Variants in WDR5 observed in about 807,000 individuals in gnomAD.
The protein encoded by WDR5 is WD repeat-containing protein 5.
For missense variants in WDR5, 187 were observed against 416.9 expected, an observed-to-expected ratio of 0.45 and a Z score of 4.80; for synonymous variants, 144 against 161.6, an observed-to-expected ratio of 0.89 and a Z score of 0.83.
chr9:134,144,174 C>T (rs1344017600), intron 7 of WDR5, among the ~76,000 whole-genome samples: 2 of 152,230 alleles, frequency 1.3e-5, no homozygotes, highest in African/African-American at 2.4e-5. Flanking sequence ...GGTCTGAGCC[C>T]CGCACATAGC....
At chr9:134,156,921 G>A (rs1244688124) in intron 13 of WDR5, among the ~76,000 whole-genome samples, 1 of 152,200 alleles carries the variant, frequency 6.6e-6, no homozygotes, top group Non-Finnish European at 1.5e-5. Context: ...CCTGGGCTGG[G>A]GACAGTGAGG....
In WDR5 at chr9:134,159,186, TG is replaced by T. The variant is rs1832887956; in HGVS notation, c.*1197del. 6.6e-6 allele frequency: 1 copy of T among 152,326 alleles called. No individual in the cohort carries two copies. The allele number at this position is 152,326 out of a possible 1,614,324, so 9.4% of individuals were successfully genotyped here. A position where few individuals can be genotyped will look rare whatever the true frequency, so the allele number is the denominator to read the frequency against. ...ACAGCAGAGGCCGAGCGGGAGCCTC[TG>T]GGGAGCGAGGCTGAAACCTGAACCT... On this transcript the variant is annotated 3_prime_UTR_variant, in exon 14 of 14. Coordinates refer to ENST00000358625, the MANE Select transcript of WDR5 (RefSeq NM_017588.3). This position sits in a 1 kb window ranked among gnomAD's most constrained non-coding sequence, Gnocchi z 4.3.
rs34523253 is a variant in WDR5 at position 134,152,004 on chromosome 9, A to G, written c.606A>G (p.Ser202=). The G allele has an allele frequency of 0.034, 55,625 of 1,613,900 alleles. 2,345 individuals are homozygous for G. Among genetic ancestry groups the G allele is most frequent in the African/African-American group, 0.21 (15,898 of 74,980 alleles). ...GAAGTCGCATCTGGGACACCGCCTC[A>G]GGCCAGTGCCTGAAGACGCTCATCG... is the stretch of plus-strand genomic sequence containing the variant. ...DGLCRIWDTA[S]GQCLKTLIDD... The change falls in exon 9 of 14, where the codon TCA becomes TCG. Residue 202 remains serine, a synonymous_variant. Coordinates refer to ENST00000358625, the MANE Select transcript of WDR5 (RefSeq NM_017588.3).
At chr9:134,148,186 CTTTTTTTTTT>C (rs34443303) in intron 7 of WDR5, 92 bp from the exon 8 acceptor site, 21 of 285,700 alleles carry the variant, frequency 7.4e-5, no homozygotes, top group South Asian at 2.7e-4. Context: ...ATAACTCAGT[CTTTTTTTTTT>C]TTTTTTTTTT....
intron 11 of WDR5, 35 bp downstream of exon 11, chr9:134,155,408 C>A: frequency 6.3e-7 from 1 of 1,583,718 alleles, no homozygotes; most frequent in South Asian, 1.2e-5. Context: ...CCATGGTGCA[C>A]CATCCCTGGG....
chr9:134,156,700 C>A, intron 13 of WDR5, 107 bp downstream of exon 13: 1 of 1,084,650 alleles, frequency 9.2e-7, no homozygotes, highest in Non-Finnish European at 1.4e-6. Flanking sequence ...CCCCTTCCCA[C>A]CTCAGCCCTC....
chr9:134,155,445 G>A, intron 11 of WDR5, 72 bp downstream of exon 11: 1 of 1,522,606 alleles, frequency 6.6e-7, no homozygotes. Context: ...GGACAGAGCT[G>A]GCCCCGGTGA....
chr9:134,150,571 A>G (rs1427529198), intron 8 of WDR5, among the ~76,000 whole-genome samples: 1 of 152,248 alleles, frequency 6.6e-6, no homozygotes, highest in Non-Finnish European at 1.5e-5. Context: ...TAAGAAAATG[A>G]AAAAATAGTC....
At chr9:134,141,016 G>T (rs1831859976) in intron 3 of WDR5, among the ~76,000 whole-genome samples, 1 of 152,234 alleles carries the variant, frequency 6.6e-6, no homozygotes, top group African/African-American at 2.4e-5. Context: ...AGGCGTGGTG[G>T]CTCATGCCTG....
chr9:134,136,015 G>C (rs1831519340), upstream of WDR5: 1 of 151,854 alleles, frequency 6.6e-6, no homozygotes, highest in Non-Finnish European at 1.5e-5. Flanking sequence ...GCTCCTCCGA[G>C]AGGCCGGCTT....
intron 7 of WDR5, among the ~76,000 whole-genome samples, chr9:134,144,950 CT>C (rs1359962553): frequency 6.6e-6 from 1 of 152,028 alleles, no homozygotes; most frequent in African/African-American, 2.4e-5. Context: ...TTCTACTTTG[CT>C]TTTTTAGGTG....
rs1316019740 is a variant in WDR5, at chr9:134,145,096, G to GTTTTTTGTTT, written c.528+2383_528+2384insGTTTTTTTTT. On this transcript the variant is annotated intron_variant, in intron 7 of 13. Coordinates refer to ENST00000358625, the MANE Select transcript of WDR5 (RefSeq NM_017588.3). ...ACTGCAGAGAGGTTTGTGGGGCTTT[G>GTTTTTTGTTT]TTTTTTTTTTTTTTTTTTTTGAAAC... is the stretch of plus-strand genomic sequence containing the variant. 4.1e-4 allele frequency among the ~76,000 whole-genome samples: 43 copies of GTTTTTTGTTT among 104,720 alleles called. 1 individual carries two copies. Among genetic ancestry groups the GTTTTTTGTTT allele is most frequent in the African/African-American group, 1.3e-3 (39 of 29,160 alleles). 68.7% of individuals were successfully genotyped at this position (104,720 alleles called of 152,430 possible).
rs1157762059 is a variant in WDR5, at chr9:134,142,327, T to G, written c.355-6T>G. ...CTGGAATAATCCTAATAATACTCTG[T>G]TATAGGGCAAGTGTCTGAAAACCCT... On this transcript the variant is annotated splice_region_variant and splice_polypyrimidine_tract_variant and intron_variant, in intron 5 of 13. Transcript: ENST00000358625. 1 of 1,613,092 alleles carries G rather than the reference T, an allele frequency of 6.2e-7. No individual in the cohort carries two copies. The highest frequency in any genetic ancestry group is 8.5e-7 in the Non-Finnish European group (1 of 1,179,308).
At chr9:134,145,899 C>A (rs1588173054) in intron 7 of WDR5, among the ~76,000 whole-genome samples, 1 of 151,828 alleles carries the variant, frequency 6.6e-6, no homozygotes, top group East Asian at 1.9e-4. Context: ...CCATCCCCTG[C>A]TGGGTTCTGG....
intron 7 of WDR5, among the ~76,000 whole-genome samples, chr9:134,145,845 C>T (rs28490920): frequency 0.36 from 54,897 of 151,974 alleles, 11,039 homozygotes; most frequent in Non-Finnish European, 0.45. Context: ...CTGCCCAAGT[C>T]GACTCCGCAG....
At chr9:134,153,729 G>A (rs1306085629) in intron 9 of WDR5, among the ~76,000 whole-genome samples, 3 of 151,890 alleles carry the variant, frequency 2.0e-5, no homozygotes, top group African/African-American at 4.9e-5. Context: ...ACACCAGCGC[G>A]TGCACGTGCT....
intron 1 of WDR5, among the ~76,000 whole-genome samples, chr9:134,137,250 C>T (rs910976688): frequency 1.3e-5 from 2 of 152,064 alleles, no homozygotes; most frequent in Non-Finnish European, 2.9e-5. Flanking sequence ...TAGGAGGAGC[C>T]AGGCAGCATC....
chr9:134,148,518 G>T, intron 8 of WDR5, among the ~76,000 whole-genome samples, 175 bp downstream of exon 8: 1 of 152,124 alleles, frequency 6.6e-6, no homozygotes. Flanking sequence ...GCAGTTTCGG[G>T]GTTGGCAGCA....
chr9:134,136,097 C>T lies in WDR5; in HGVS notation c.-162C>T, dbSNP rs1306709769. On this transcript the variant is annotated 5_prime_UTR_variant, in exon 1 of 14. Coordinates refer to ENST00000358625, the MANE Select transcript of WDR5 (RefSeq NM_017588.3). The stretch of plus-strand genomic sequence containing the variant: ...CGCGCACTGCGCCCCCGCCGCCTGG[C>T]GCCCGCCCGAGCTGCCGCCTTGTCG... The T allele has an allele frequency of 1.3e-5, 2 of 148,268 alleles. No individual in the cohort carries two copies. The highest frequency in any genetic ancestry group is 4.9e-5 in the African/African-American group (2 of 40,584). 9.2% of individuals were successfully genotyped at this position (148,268 alleles called of 1,614,324 possible). A position where few individuals can be genotyped will look rare whatever the true frequency, so the allele number is the denominator to read the frequency against.
Sources: allele counts gnomAD v4.1 joint callset (sites outside exome capture counted in the v4.1 genomes callset), GRCh38; gene constraint gnomAD v4.1.1; non-coding constraint Gnocchi (gnomAD v3.1); transcripts MANE v1.5; gene names NCBI Gene and HGNC (gene_info 2026-07-23, HGNC 2026-07-21).